Variants in GNB1 observed in about 807,000 individuals in gnomAD.
GNB1 encodes the protein guanine nucleotide-binding protein G(I)/G(S)/G(T) subunit beta-1.
GNB1 carries 2 observed loss-of-function variants against 42.9 expected under a neutral mutation model. The ratio of observed to expected loss-of-function variants is 0.05; its 90% CI spans 0.02 to 0.15. GNB1 has a LOEUF of 0.15. GNB1 is among the 10% of genes least tolerant of loss of function. The probability of loss-of-function intolerance (pLI) is 1.00; values close to 1 mark genes in which losing one functional copy is unlikely to be tolerated. For synonymous variants in GNB1, 183 were observed against 174.7 expected (o/e 1.05, Z -0.38); for missense variants, 193 against 462.2 (o/e 0.42, Z 5.34).
At chr1:1,875,966 A>T (rs1457960805) in intron 1 of GNB1, among the ~76,000 whole-genome samples, 1 of 152,128 alleles carries the variant, frequency 6.6e-6, no homozygotes, top group East Asian at 1.9e-4. Context: ...TCTAATAACT[A>T]TGTCCTTATA....
intron 1 of GNB1, among the ~76,000 whole-genome samples, chr1:1,875,473 G>A (rs1451457726): frequency 1.3e-5 from 2 of 152,104 alleles, no homozygotes; most frequent in Non-Finnish European, 2.9e-5. Flanking sequence ...GATTACAGGT[G>A]TGAGCCATCA....
intron 1 of GNB1, among the ~76,000 whole-genome samples, chr1:1,852,783 G>T (rs1030224689): frequency 1.3e-5 from 2 of 151,616 alleles, no homozygotes; most frequent in Admixed American, 6.6e-5. Context: ...CCTACACTCA[G>T]GAGCCAGCAA....
intron 3 of GNB1, among the ~76,000 whole-genome samples, chr1:1,822,793 T>C (rs1389112470): frequency 1.3e-5 from 2 of 152,230 alleles, no homozygotes; most frequent in East Asian, 3.9e-4. Context: ...TAAATTTGGG[T>C]GTCTTTCACC....
At chr1:1,803,342 C>T (rs1476140751) in intron 7 of GNB1, among the ~76,000 whole-genome samples, 2 of 152,186 alleles carry the variant, frequency 1.3e-5, no homozygotes, top group South Asian at 4.1e-4. Context: ...TTTCGCCCAG[C>T]CTGGAGTGCA....
chr1:1,842,892 G>A (rs1038834729), intron 1 of GNB1, among the ~76,000 whole-genome samples: 1 of 152,200 alleles, frequency 6.6e-6, no homozygotes, highest in African/African-American at 2.4e-5. Flanking sequence ...TCGCTCCGGG[G>A]CAGGGTCCTA....
intron 2 of GNB1, among the ~76,000 whole-genome samples, chr1:1,836,571 G>A (rs1647153478): frequency 6.6e-6 from 1 of 150,732 alleles, no homozygotes; most frequent in African/African-American, 2.4e-5. Flanking sequence ...TTTTTTTTTG[G>A]AGACAGTCTC....
chr1:1,787,284 G>A lies in GNB1; in HGVS notation c.*9+38C>T. On this transcript the variant is annotated intron_variant, in intron 11 of 11. Transcript: ENST00000378609. This position sits in a 1 kb window ranked among gnomAD's most constrained non-coding sequence, Gnocchi z 4.4. ...AAATGTTCTATGAGAAACACGCACA[G>A]TTCTCCTCAGAGAAGGGCATTTGGG... 9.9e-7 allele frequency: 1 copy of A among 1,011,080 alleles called. No individual in the cohort carries two copies. Among genetic ancestry groups the A allele is most frequent in the Non-Finnish European group, 1.6e-6 (1 of 636,944 alleles). 62.6% of individuals were successfully genotyped at this position (1,011,080 alleles called of 1,614,324 possible). A position where few individuals can be genotyped will look rare whatever the true frequency, so the allele number is the denominator to read the frequency against.
chr1:1,850,556 T>A (rs938667490), intron 1 of GNB1, among the ~76,000 whole-genome samples: 2 of 152,130 alleles, frequency 1.3e-5, no homozygotes, highest in African/African-American at 2.4e-5. Context: ...AAATTATTCA[T>A]CTATAATGTT....
chr1:1,871,797 C>G, intron 1 of GNB1, among the ~76,000 whole-genome samples: 1 of 152,132 alleles, frequency 6.6e-6, no homozygotes, highest in African/African-American at 2.4e-5. Context: ...CAGAAATCAT[C>G]CTGGCCTCCT....
chr1:1,855,425 G>A (rs1648226777), intron 1 of GNB1, among the ~76,000 whole-genome samples: 1 of 152,038 alleles, frequency 6.6e-6, no homozygotes, highest in Non-Finnish European at 1.5e-5. Flanking sequence ...CTCCCGGCCG[G>A]GCGCGGTGGC....
chr1:1,889,208 AAACT>A (rs770240240), intron 1 of GNB1, among the ~76,000 whole-genome samples: 11 of 152,218 alleles, frequency 7.2e-5, no homozygotes, highest in Admixed American at 2.0e-4. Flanking sequence ...ACTTTCCACA[AAACT>A]AATACGTCCA....
rs1444033859 is a variant in GNB1, at chr1:1,791,233, G to A, written c.498-637C>T. On this transcript the variant is annotated intron_variant, in intron 8 of 11. Transcript: ENST00000378609. Reference sequence around the variant, plus strand: ...GTTGCCCAGGCTGGAGTGCAATGGCGCGATCTTGGCTCACCACAACCTCCG... The same window carrying A: ...GTTGCCCAGGCTGGAGTGCAATGGCACGATCTTGGCTCACCACAACCTCCG... Among the ~76,000 whole-genome samples, 4 of 150,038 alleles carry A rather than the reference G, an allele frequency of 2.7e-5. No homozygotes were observed. The South Asian group carries it at 6.3e-4, about 23-fold the overall frequency.
intron 1 of GNB1, among the ~76,000 whole-genome samples, chr1:1,868,140 T>C (rs972656468): frequency 4.6e-5 from 7 of 152,198 alleles, no homozygotes; most frequent in African/African-American, 7.2e-5. Context: ...TCTTCAATAA[T>C]GCATCTAAAG....
chr1:1,787,153 T>TG lies in GNB1; in HGVS notation c.*10-101dup. Reference sequence around the variant, plus strand: ...CTCTTCCCATCACTGCATGAGTGTCTGCAGCTGAGGGCACGTGACTTCAGC... The same window carrying TG: ...CTCTTCCCATCACTGCATGAGTGTCTGGCAGCTGAGGGCACGTGACTTCAGC... On this transcript the variant is annotated intron_variant, in intron 11 of 11. Transcript: ENST00000378609. The surrounding 1 kb of genome is among the most constrained non-coding windows in gnomAD (Gnocchi z 4.4). 1.9e-6 allele frequency: 1 copy of TG among 535,774 alleles called. No individual in the cohort carries two copies. The allele number at this position is 535,774 out of a possible 1,614,324, so 33.2% of individuals were successfully genotyped here. A position where few individuals can be genotyped will look rare whatever the true frequency, so the allele number is the denominator to read the frequency against.
At chr1:1,789,511 A>G (rs1357496673) in intron 9 of GNB1, among the ~76,000 whole-genome samples, 1 of 152,066 alleles carries the variant, frequency 6.6e-6, no homozygotes, top group Non-Finnish European at 1.5e-5. Context: ...TGACCAACAT[A>G]GAGAAACCCC....
intron 1 of GNB1, among the ~76,000 whole-genome samples, chr1:1,855,791 G>A (rs1033513359): frequency 1.3e-5 from 2 of 152,204 alleles, no homozygotes; most frequent in African/African-American, 2.4e-5. Flanking sequence ...AGTAACCTGG[G>A]GAAAGAGAGA....
rs1172254752 is a variant in GNB1, at chr1:1,785,887, T to C, written c.*1176A>G. 5.0e-6 allele frequency: 2 copies of C among 396,670 alleles called. No homozygotes were observed. The highest frequency in any genetic ancestry group is 3.6e-5 in the East Asian group (1 of 27,924). 24.6% of individuals were successfully genotyped at this position (396,670 alleles called of 1,614,324 possible). A position where few individuals can be genotyped will look rare whatever the true frequency, so the allele number is the denominator to read the frequency against. On this transcript the variant is annotated 3_prime_UTR_variant, in exon 12 of 12. Transcript: ENST00000378609. ...GAGCCGCGCGCTGTACTGCTTCCGA[T>C]ATGTGCCACAGAGCAGCAACGAGAA...
chr1:1,875,144 C>A (rs1290893630), intron 1 of GNB1, among the ~76,000 whole-genome samples: 1 of 151,938 alleles, frequency 6.6e-6, no homozygotes, highest in African/African-American at 2.4e-5. Context: ...CCTAAGAGAC[C>A]ACAGCCCAGG....
At chr1:1,864,976 G>A (rs1211454272) in intron 1 of GNB1, among the ~76,000 whole-genome samples, 1 of 152,094 alleles carries the variant, frequency 6.6e-6, no homozygotes, top group Non-Finnish European at 1.5e-5. Context: ...AAAACTACCA[G>A]GCCAGGCCAG....
Sources: allele counts gnomAD v4.1 joint callset (sites outside exome capture counted in the v4.1 genomes callset), GRCh38; gene constraint gnomAD v4.1.1; non-coding constraint Gnocchi (gnomAD v3.1); transcripts MANE v1.5; gene names NCBI Gene and HGNC (gene_info 2026-07-23, HGNC 2026-07-21).